TNRC18: variants seen among roughly 807,000 people sequenced by gnomAD.
TNRC18 encodes trinucleotide repeat containing 18.
In TNRC18, 69 loss-of-function variants were observed where a neutral mutation model predicts 226.7. The ratio of observed to expected loss-of-function variants is 0.30; its 90% CI spans 0.25 to 0.37. The LOEUF is 0.37. Ranked by LOEUF, TNRC18 falls within the 10% of genes least tolerant of loss-of-function variation. TNRC18 has a pLI of 1.00. For missense variants in TNRC18, 4,754 were observed against 4,256.6 expected, an observed-to-expected ratio of 1.12 and a Z score of -3.25; for synonymous variants, 2,449 against 1,927.6, an observed-to-expected ratio of 1.27 and a Z score of -7.09.
At chr7:5,407,909 C>G (rs1183091710) in intron 2 of TNRC18, among the ~76,000 whole-genome samples, 1 of 152,142 alleles carries the variant, frequency 6.6e-6, no homozygotes, top group Non-Finnish European at 1.5e-5. Flanking sequence ...TGCCTCTTAG[C>G]AGAGACAAAA....
At chr7:5,390,288 GTTTGAGGCTGCAGTGACC>G in intron 4 of TNRC18, 179 bp downstream of exon 4, 1 of 597,566 alleles carries the variant, frequency 1.7e-6, no homozygotes, top group Middle Eastern at 4.6e-4. Context: ...TCATTTGGGA[GTTTGAGGCTGCAGTGACC>G]TATGATCGCA....
chr7:5,311,104 G>GTGCCTGCATTCACATGTACA (rs1206918588), intron 27 of TNRC18, among the ~76,000 whole-genome samples: 7 of 152,262 alleles, frequency 4.6e-5, no homozygotes, highest in Admixed American at 3.3e-4. Context: ...GTTCATGTAC[G>GTGCCTGCATTCACATGTACA]TGCCTGCATT....
At chr7:5,353,112 A>C (rs1378500317) in intron 16 of TNRC18, among the ~76,000 whole-genome samples, 1 of 152,196 alleles carries the variant, frequency 6.6e-6, no homozygotes, top group African/African-American at 2.4e-5. Flanking sequence ...CAGCCCCGCC[A>C]GGCTACCAGC....
chr7:5,374,116 G>A lies in TNRC18; in HGVS notation c.3168C>T (p.Val1056=), dbSNP rs371280948. ...TCTCCAACTCCAAGTCTTTCTTCTC[G>A]ACCACATTCTCGGGAGCCTCCTCCT... ...TRKEEAPENV[V]EKKDLELEKE... Residue 1056 remains valine, a synonymous_variant, in exon 10 of 30, where the codon GTC becomes GTT. Coordinates refer to ENST00000430969, the MANE Select transcript of TNRC18 (RefSeq NM_001080495.3). 7.2e-6 allele frequency: 11 copies of A among 1,537,426 alleles called. No individual in the cohort carries two copies. The highest frequency in any genetic ancestry group is 8.8e-6 in the Non-Finnish European group (10 of 1,140,466).
intron 2 of TNRC18, among the ~76,000 whole-genome samples, chr7:5,415,008 C>G (rs1464366438): frequency 1.3e-5 from 2 of 152,236 alleles, no homozygotes; most frequent in Non-Finnish European, 2.9e-5. Flanking sequence ...TTTAAGAGTC[C>G]AGACCAGTTC....
chr7:5,336,229 T>G (rs1583819084), intron 18 of TNRC18, among the ~76,000 whole-genome samples: 1 of 144,630 alleles, frequency 6.9e-6, no homozygotes, highest in African/African-American at 2.6e-5. Flanking sequence ...AAAAAATTAC[T>G]AGACAAATGA....
At chr7:5,330,580 A>C (rs1789422653) in intron 19 of TNRC18, among the ~76,000 whole-genome samples, 2 of 151,996 alleles carry the variant, frequency 1.3e-5, no homozygotes, top group African/African-American at 4.8e-5. Context: ...AGAGCGGTTC[A>C]TAGGAGAAAC....
At chr7:5,386,052 C>T (rs1026935217) in intron 5 of TNRC18, among the ~76,000 whole-genome samples, 2 of 148,648 alleles carry the variant, frequency 1.3e-5, no homozygotes, top group South Asian at 2.1e-4. Flanking sequence ...TTTGGGAGGC[C>T]GAGGCGGGTG....
chr7:5,328,103 A>T (rs1789124001), intron 19 of TNRC18, among the ~76,000 whole-genome samples: 1 of 152,184 alleles, frequency 6.6e-6, no homozygotes, highest in Admixed American at 6.6e-5. Flanking sequence ...CTGTAATCCC[A>T]GCTACTCTGG....
In TNRC18 at chr7:5,313,722, C is replaced by T. The variant is rs534146863; in HGVS notation, c.7169G>A (p.Arg2390His). 5.7e-6 allele frequency: 9 copies of T among 1,581,884 alleles called. No homozygotes were observed. Among genetic ancestry groups the T allele is most frequent in the South Asian group, 3.5e-5 (3 of 86,160 alleles). Residue 2390 changes from arginine to histidine, a missense_variant, in exon 27 of 30, where the codon CGC becomes CAC. Coordinates refer to ENST00000430969, the MANE Select transcript of TNRC18 (RefSeq NM_001080495.3). ...GGGACTGGGCTGCGGCGGTGCCGGG[C>T]GCGCCTTGGGGGCCTTGGCTCGCTT... is the stretch of plus-strand genomic sequence containing the variant. ...VDKRAKAPKA[R>H]PAPPQPSPAP...
chr7:5,332,784 C>G lies in TNRC18; in HGVS notation c.5985G>C (p.Thr1995=). The change falls in exon 19 of 30, where the codon ACG becomes ACC. Residue 1995 remains threonine, a synonymous_variant. Transcript: ENST00000430969. ...GGAAGATGCGCTCGCTGCGGCGCCG[C>G]GTCCACAGGTCGTCGTCGCTGGCCT... ...GPEASDDDLW[T]RRRSERIFLH... is the part of the protein sequence containing the mutation. The G allele has an allele frequency of 6.6e-7, 1 of 1,513,268 alleles. No individual in the cohort carries two copies. The highest frequency in any genetic ancestry group is 8.8e-7 in the Non-Finnish European group (1 of 1,138,022). The allele number at this position is 1,513,268 out of a possible 1,614,324, so 93.7% of individuals were successfully genotyped here. A position where few individuals can be genotyped will look rare whatever the true frequency, so the allele number is the denominator to read the frequency against.
chr7:5,354,928 G>A (rs982003757), intron 16 of TNRC18, among the ~76,000 whole-genome samples: 2 of 152,260 alleles, frequency 1.3e-5, no homozygotes, highest in South Asian at 2.1e-4. Flanking sequence ...TAAACACGGC[G>A]ACTTTTCGCC....
At chr7:5,408,371 A>C (rs1280512318) in intron 2 of TNRC18, among the ~76,000 whole-genome samples, 1 of 151,830 alleles carries the variant, frequency 6.6e-6, no homozygotes, top group African/African-American at 2.4e-5. Context: ...CCCCCTGGCC[A>C]GGCGCATAGC....
At chr7:5,328,491 G>A (rs1789171621) in intron 19 of TNRC18, among the ~76,000 whole-genome samples, 1 of 149,424 alleles carries the variant, frequency 6.7e-6, no homozygotes, top group Non-Finnish European at 1.5e-5. Flanking sequence ...AACACAGTGA[G>A]ACCACCTTCC....
intron 11 of TNRC18, among the ~76,000 whole-genome samples, chr7:5,363,563 C>A (rs759205620): frequency 3.6e-4 from 55 of 152,204 alleles, no homozygotes; most frequent in Admixed American, 1.4e-3. Flanking sequence ...GAGATGGCGC[C>A]ACTGCACTCC....
Position 5,377,870 on chromosome 7 carries a change from C to G in TNRC18, c.2255+52G>C. On this transcript the variant is annotated intron_variant, in intron 6 of 29. Transcript: ENST00000430969. The surrounding 1 kb of genome is among the most constrained non-coding windows in gnomAD (Gnocchi z 5.8). ...GGGGTCATCCAGCTGCCCCTCACCC[C>G]CAGGGGCTCCTAGATACCCCCTAGA... The G allele has an allele frequency of 6.4e-7, 1 of 1,568,004 alleles. No individual in the cohort carries two copies. Among genetic ancestry groups the G allele is most frequent in the Non-Finnish European group, 8.8e-7 (1 of 1,140,776 alleles).
chr7:5,389,165 A>G lies in TNRC18; in HGVS notation c.659T>C (p.Phe220Ser), dbSNP rs1368178954. Reference protein sequence around the residue: ...AGRGGEPPPLFGKKDPRARGE... With the variant: ...AGRGGEPPPLSGKKDPRARGE... The stretch of plus-strand genomic sequence containing the variant: ...CCGGGCGCGCGGGTCCTTCTTGCCG[A>G]AAAGCGGAGGCGGCTCCCCGCCGCG... Residue 220 changes from phenylalanine (F) to serine (S), a missense_variant, in exon 5 of 30, where the codon TTC (phenylalanine) becomes TCC (serine). Physicochemically the swap from Phe to Ser is radical, Grantham distance 155. Transcript: ENST00000430969. 7.5e-7 allele frequency: 1 copy of G among 1,325,196 alleles called. No individual in the cohort carries two copies. The highest frequency in any genetic ancestry group is 9.6e-7 in the Non-Finnish European group (1 of 1,038,462). 82.1% of individuals were successfully genotyped at this position (1,325,196 alleles called of 1,614,324 possible). A position where few individuals can be genotyped will look rare whatever the true frequency, so the allele number is the denominator to read the frequency against.
chr7:5,345,869 C>A (rs534103455), intron 17 of TNRC18, 59 bp from the exon 18 acceptor site: 13 of 1,494,502 alleles, frequency 8.7e-6, no homozygotes, highest in African/African-American at 6.9e-5. Context: ...GGCCACCCCC[C>A]ACCGCCCCCT....
chr7:5,315,342 C>G (rs1787744839), intron 25 of TNRC18, among the ~76,000 whole-genome samples, 194 bp from the exon 26 acceptor site: 1 of 152,132 alleles, frequency 6.6e-6, no homozygotes, highest in Non-Finnish European at 1.5e-5. Flanking sequence ...CAGCCAGAGG[C>G]TCCCGAATAA....
Sources: allele counts gnomAD v4.1 joint callset (sites outside exome capture counted in the v4.1 genomes callset), GRCh38; gene constraint gnomAD v4.1.1; non-coding constraint Gnocchi (gnomAD v3.1); transcripts MANE v1.5; gene names NCBI Gene and HGNC (gene_info 2026-07-23, HGNC 2026-07-21).